The following SHISA9 variants were observed in gnomAD, a reference collection of about 807,000 sequenced individuals.
SHISA9 encodes shisa family member 9.
In SHISA9, 13 loss-of-function variants were observed where a neutral mutation model predicts 38.0. That is an observed-to-expected ratio of 0.34 (90% CI 0.22 to 0.54). The LOEUF is 0.54. SHISA9 is among the 20% of genes least tolerant of loss of function. The pLI, the probability that SHISA9 is intolerant of heterozygous loss-of-function variation, is 0.91. For synonymous variants in SHISA9, 275 were observed against 242.0 expected (o/e 1.14, Z -1.27); for missense variants, 538 against 575.8 (o/e 0.93, Z 0.67).
intron 2 of SHISA9, among the ~76,000 whole-genome samples, chr16:13,052,059 G>C (rs1453746428): frequency 6.6e-6 from 1 of 152,206 alleles, no homozygotes; most frequent in South Asian, 2.1e-4. Flanking sequence ...CACTGCGCCC[G>C]GCCTAGCATT....
the SHISA9 span, among the ~76,000 whole-genome samples, chr16:13,290,878 C>A: frequency 1.3e-5 from 2 of 152,194 alleles, no homozygotes; most frequent in Admixed American, 1.3e-4. Context: ...TATAAACACA[C>A]AGCAAGTTGT....
chr16:13,230,759 A>G (rs968343163), intron 4 of SHISA9, among the ~76,000 whole-genome samples: 1 of 152,216 alleles, frequency 6.6e-6, no homozygotes, highest in Non-Finnish European at 1.5e-5. Flanking sequence ...AGCAGCCCTG[A>G]GGGCTGCTGG....
intron 4 of SHISA9, among the ~76,000 whole-genome samples, chr16:13,227,631 T>G (rs903728533): frequency 1.3e-5 from 2 of 152,228 alleles, no homozygotes; most frequent in African/African-American, 4.8e-5. Flanking sequence ...TAGATTATTT[T>G]TCTGTTGAAG....
At chr16:13,013,443 C>T (rs1213076381) in intron 2 of SHISA9, among the ~76,000 whole-genome samples, 1 of 152,110 alleles carries the variant, frequency 6.6e-6, no homozygotes, top group Non-Finnish European at 1.5e-5. Flanking sequence ...GCTGGTGGCT[C>T]CTGGAAGGGA....
intron 2 of SHISA9, among the ~76,000 whole-genome samples, chr16:13,044,715 G>A (rs1447839456): frequency 2.0e-5 from 3 of 152,152 alleles, no homozygotes; most frequent in Admixed American, 6.5e-5. Flanking sequence ...ATCTGGCTGC[G>A]TTGCTCAGGG....
the SHISA9 span, among the ~76,000 whole-genome samples, chr16:13,300,536 C>G: frequency 9.7e-4 from 147 of 152,160 alleles, no homozygotes; most frequent in African/African-American, 3.5e-3. Flanking sequence ...AATTGGAGGC[C>G]CTTTATGACA....
intron 2 of SHISA9, among the ~76,000 whole-genome samples, chr16:13,197,162 G>A (rs203323): frequency 6.8e-6 from 1 of 147,806 alleles, no homozygotes; most frequent in African/African-American, 2.5e-5. Context: ...TATATAGAGA[G>A]AGAGAGAGAG....
At chr16:13,476,538 T>C in the SHISA9 span, among the ~76,000 whole-genome samples, 1 of 152,062 alleles carries the variant, frequency 6.6e-6, no homozygotes, top group Non-Finnish European at 1.5e-5. Context: ...TTAAAGTGCT[T>C]AGGAGGATTT....
the SHISA9 span, among the ~76,000 whole-genome samples, chr16:13,488,700 A>G: frequency 6.6e-6 from 1 of 152,346 alleles, no homozygotes; most frequent in Admixed American, 6.5e-5. Context: ...TAAAAGTTAC[A>G]GTGTTTGCAC....
At chr16:13,261,797 G>C in the SHISA9 span, among the ~76,000 whole-genome samples, 226 of 152,276 alleles carry the variant, frequency 1.5e-3, 2 homozygotes, top group African/African-American at 5.3e-3. Flanking sequence ...GGTTTCATGA[G>C]CCCAAGAGGA....
chr16:12,945,312 G>A (rs114830527), intron 2 of SHISA9, among the ~76,000 whole-genome samples: 2,692 of 152,228 alleles, frequency 0.018, 82 homozygotes, highest in African/African-American at 0.062. Flanking sequence ...GCCCCTCACA[G>A]GTAAGAATTA....
chr16:13,388,949 CAG>C, the SHISA9 span, among the ~76,000 whole-genome samples: 22 of 152,084 alleles, frequency 1.4e-4, no homozygotes, highest in Non-Finnish European at 3.1e-4. Flanking sequence ...GTTAGGGGCT[CAG>C]AGCAAAACTG....
chr16:13,183,562 G>C (rs989496446), intron 2 of SHISA9, among the ~76,000 whole-genome samples: 1 of 152,224 alleles, frequency 6.6e-6, no homozygotes, highest in Non-Finnish European at 1.5e-5. Flanking sequence ...CCAACTGAGA[G>C]CTTAAAGATT....
chr16:12,917,147 A>G (rs576798178), intron 2 of SHISA9, among the ~76,000 whole-genome samples: 1 of 152,274 alleles, frequency 6.6e-6, no homozygotes, highest in South Asian at 2.1e-4. Context: ...TAGTTAACCA[A>G]TGGATTATTG....
At chr16:13,536,244 G>T in the SHISA9 span, among the ~76,000 whole-genome samples, 2 of 152,130 alleles carry the variant, frequency 1.3e-5, no homozygotes, top group Non-Finnish European at 2.9e-5. Context: ...TGATCCGTCC[G>T]TGTCGGACTC....
intron 2 of SHISA9, among the ~76,000 whole-genome samples, chr16:13,078,885 A>C (rs1324550133): frequency 6.6e-6 from 1 of 152,206 alleles, no homozygotes; most frequent in African/African-American, 2.4e-5. Flanking sequence ...CACAGTCTTC[A>C]AAAGTACTTT....
At chr16:13,534,687 C>A in the SHISA9 span, among the ~76,000 whole-genome samples, 471 of 152,304 alleles carry the variant, frequency 3.1e-3, 3 homozygotes, top group African/African-American at 0.011. Flanking sequence ...AGATGCCACA[C>A]TCTTCTTCAG....
chr16:13,060,998 G>T (rs1019908296), intron 2 of SHISA9, among the ~76,000 whole-genome samples: 5 of 152,102 alleles, frequency 3.3e-5, no homozygotes, highest in Non-Finnish European at 5.9e-5. Flanking sequence ...CCCCTCCAAG[G>T]CATGGTGCAT....
chr16:13,372,595 C>A, the SHISA9 span, among the ~76,000 whole-genome samples: 1 of 152,178 alleles, frequency 6.6e-6, no homozygotes, highest in Non-Finnish European at 1.5e-5. Context: ...AGACCACAGA[C>A]CTTGGTCCCT....
Sources: gnomAD v4.1 joint callset for allele counts (sites outside exome capture counted in the v4.1 genomes callset) on GRCh38, gnomAD v4.1.1 for gene constraint, MANE v1.5 for transcripts, NCBI Gene and HGNC (gene_info 2026-07-23, HGNC 2026-07-21) for gene names.